The following FER variants were observed in gnomAD, a reference collection of about 807,000 sequenced individuals.
FER encodes the protein FER tyrosine kinase, also known as tyrosine-protein kinase Fer.
In FER, 63 loss-of-function variants were observed where a neutral mutation model predicts 111.0. The observed-to-expected ratio is 0.57, with a 90% CI of 0.46 to 0.70. The LOEUF is 0.70. Among genes scored for constraint, FER ranks in the 30% least tolerant of loss-of-function variants. The pLI is 0.00. For missense variants in FER, 914 were observed against 954.0 expected (o/e 0.96, Z 0.55); for synonymous variants, 327 against 313.9 (o/e 1.04, Z -0.44).
intron 17 of FER, among the ~76,000 whole-genome samples, chr5:109,174,032 AAG>A (rs1176890713): frequency 2.6e-5 from 4 of 152,192 alleles, no homozygotes; most frequent in Admixed American, 2.6e-4. Flanking sequence ...CAGTTCTTCA[AAG>A]AGAGAGAACA....
At chr5:108,762,827 C>T (rs193023893) in intron 1 of FER, among the ~76,000 whole-genome samples, 5 of 152,292 alleles carry the variant, frequency 3.3e-5, no homozygotes, top group Middle Eastern at 3.4e-3. Flanking sequence ...TTCCAGATAG[C>T]GGTTCCTTTA....
At position 109,189,126 on chromosome 5, in the gene FER, G is replaced by GTAAC. The variant is rs1235178762; in HGVS notation, c.*1553_*1556dup. The GTAAC allele has an allele frequency of 1.3e-5, 2 of 152,176 alleles. No homozygotes were observed. Among genetic ancestry groups the GTAAC allele is most frequent in the African/African-American group, 2.4e-5 (1 of 41,442 alleles). The allele number at this position is 152,176 out of a possible 1,614,324, so 9.4% of individuals were successfully genotyped here. ...TGAAGATGTCTCATGTGAATAAAATGTAACTCACTCACTCAGTTAAAACTA... is the reference window on the plus strand; with the variant it reads ...TGAAGATGTCTCATGTGAATAAAATGTAACTAACTCACTCACTCAGTTAAAACTA... On this transcript the variant is annotated 3_prime_UTR_variant, in exon 20 of 20. Transcript: ENST00000281092.
At chr5:108,856,603 C>T (rs943330319) in intron 5 of FER, among the ~76,000 whole-genome samples, 4 of 152,122 alleles carry the variant, frequency 2.6e-5, no homozygotes, top group Admixed American at 1.3e-4. Flanking sequence ...TTTTAATTTT[C>T]GTATCCAGTA....
chr5:109,104,612 G>C (rs752466103), intron 17 of FER, among the ~76,000 whole-genome samples: 1 of 152,074 alleles, frequency 6.6e-6, no homozygotes, highest in Non-Finnish European at 1.5e-5. Context: ...TTGTAAGAGA[G>C]AGCTTGACTT....
rs149830108 is a variant in FER, at chr5:109,171,657, T to G, written c.2049-9090T>G. On this transcript the variant is annotated intron_variant, in intron 17 of 19. Transcript: ENST00000281092. Reference sequence around the variant, plus strand: ...GTTATTTGTCACTCAGGCAAGTACTTCTGTTTTCACTTCATAGTCTCAGAA... The same window carrying G: ...GTTATTTGTCACTCAGGCAAGTACTGCTGTTTTCACTTCATAGTCTCAGAA... Among the ~76,000 whole-genome samples the G allele has an allele frequency of 2.0e-5, 3 of 152,304 alleles. No individual in the cohort carries two copies. The East Asian group carries it at 5.8e-4, about 29-fold the overall frequency.
At chr5:108,983,075 A>G (rs978696048) in intron 13 of FER, among the ~76,000 whole-genome samples, 2 of 152,080 alleles carry the variant, frequency 1.3e-5, no homozygotes, top group Admixed American at 1.3e-4. Flanking sequence ...AGCACCTAGT[A>G]TGTATTCAGT....
intron 17 of FER, among the ~76,000 whole-genome samples, chr5:109,101,141 G>T (rs1260128101): frequency 6.6e-6 from 1 of 151,898 alleles, no homozygotes; most frequent in African/African-American, 2.4e-5. Context: ...TTAGTTGCTT[G>T]TAGCGGGAAT....
intron 10 of FER, among the ~76,000 whole-genome samples, chr5:108,920,906 T>TCA: frequency 6.6e-6 from 1 of 152,134 alleles, no homozygotes; most frequent in East Asian, 1.9e-4. Context: ...CTACTTCCCC[T>TCA]CATTATTTCC....
intron 6 of FER, 92 bp from the exon 7 acceptor site, chr5:108,871,273 A>T: frequency 9.5e-7 from 1 of 1,047,166 alleles, no homozygotes; most frequent in Non-Finnish European, 1.4e-6. Context: ...TCAACATTAC[A>T]TTTCTTATGC....
intron 2 of FER, among the ~76,000 whole-genome samples, chr5:108,781,350 C>T (rs1754055413): frequency 6.6e-6 from 1 of 152,156 alleles, no homozygotes; most frequent in African/African-American, 2.4e-5. Context: ...GCTTACCACA[C>T]CTGGCTAATT....
chr5:108,996,598 C>G (rs943399930), intron 13 of FER, among the ~76,000 whole-genome samples: 9 of 152,146 alleles, frequency 5.9e-5, no homozygotes, highest in South Asian at 2.1e-4. Flanking sequence ...TCTGAGGCCT[C>G]TATTCTGTTC....
chr5:109,127,624 C>A (rs1160982373), intron 17 of FER, among the ~76,000 whole-genome samples: 3 of 152,028 alleles, frequency 2.0e-5, no homozygotes, highest in African/African-American at 4.8e-5. Context: ...CCAGGATGAT[C>A]TCGATCTCCT....
At chr5:109,111,821 T>G (rs1749656283) in intron 17 of FER, among the ~76,000 whole-genome samples, 2 of 151,970 alleles carry the variant, frequency 1.3e-5, no homozygotes, top group African/African-American at 2.4e-5. Context: ...TCCAATCACC[T>G]CCCATCAGGT....
At chr5:108,866,466 A>C (rs1246786554) in intron 5 of FER, among the ~76,000 whole-genome samples, 1 of 152,164 alleles carries the variant, frequency 6.6e-6, no homozygotes, top group Non-Finnish European at 1.5e-5. Context: ...TGATAGCCTT[A>C]GGAGATATAC....
intron 2 of FER, among the ~76,000 whole-genome samples, chr5:108,774,147 G>A (rs949157887): frequency 1.3e-5 from 2 of 151,976 alleles, no homozygotes; most frequent in African/African-American, 4.8e-5. Flanking sequence ...GTGAGAACGT[G>A]GGATGTTTGG....
chr5:109,152,246 T>C lies in FER; in HGVS notation c.2049-28501T>C, dbSNP rs147847880. ...ATCTGCTATATCATCAGCTAGCTCC[T>C]CTTCTTAGTTTAAGATGGTCTAGAT... On this transcript the variant is annotated intron_variant, in intron 17 of 19. Transcript: ENST00000281092. 8.9e-3 allele frequency among the ~76,000 whole-genome samples: 1,360 copies of C among 152,156 alleles called. 64 individuals carry two copies. Among genetic ancestry groups the C allele is most frequent in the Admixed American group, 0.071 (1,079 of 15,258 alleles).
chr5:109,141,759 C>T (rs936913919), intron 17 of FER, among the ~76,000 whole-genome samples: 2 of 152,192 alleles, frequency 1.3e-5, no homozygotes, highest in African/African-American at 4.8e-5. Context: ...GTTACACAGC[C>T]ATGCCTGCAT....
At chr5:109,062,552 T>A (rs1561845662) in intron 16 of FER, among the ~76,000 whole-genome samples, 4 of 151,866 alleles carry the variant, frequency 2.6e-5, no homozygotes, top group Admixed American at 2.6e-4. Flanking sequence ...TATATAACAA[T>A]ATATATTATG....
At chr5:108,946,664 A>C (rs1287488805) in intron 11 of FER, among the ~76,000 whole-genome samples, 2 of 151,976 alleles carry the variant, frequency 1.3e-5, no homozygotes, top group African/African-American at 4.8e-5. Flanking sequence ...ATAAAATTGA[A>C]GTCTGTTTGA....
Sources: gnomAD v4.1 joint callset for allele counts (sites outside exome capture counted in the v4.1 genomes callset) on GRCh38, gnomAD v4.1.1 for gene constraint, MANE v1.5 for transcripts, NCBI Gene and HGNC (gene_info 2026-07-23, HGNC 2026-07-21) for gene names.